SYT1: variants seen among roughly 807,000 people sequenced by gnomAD.
SYT1 encodes synaptotagmin-1.
A neutral mutation model predicts 44.8 loss-of-function variants in SYT1; 8 were observed. The ratio of observed to expected loss-of-function variants is 0.18; its 90% CI spans 0.10 to 0.32. The LOEUF is 0.32. SYT1 is among the 10% of genes least tolerant of loss of function. SYT1 has a pLI of 1.00. For synonymous variants in SYT1, 154 were observed against 188.8 expected (o/e 0.82, Z 1.51); for missense variants, 286 against 509.3 (o/e 0.56, Z 4.22).
intron 2 of SYT1, among the ~76,000 whole-genome samples, chr12:79,009,364 G>A (rs1871283499): frequency 6.6e-6 from 1 of 152,080 alleles, no homozygotes; most frequent in African/African-American, 2.4e-5. Flanking sequence ...TACACTCTGT[G>A]GATTGTCAAA....
chr12:79,247,660 C>T (rs1195859189), intron 4 of SYT1, among the ~76,000 whole-genome samples: 2 of 152,132 alleles, frequency 1.3e-5, no homozygotes, highest in African/African-American at 4.8e-5. Flanking sequence ...TGAGTGCCTG[C>T]TGTGTACTAA....
intron 2 of SYT1, among the ~76,000 whole-genome samples, chr12:79,008,771 T>A (rs1871244440): frequency 6.6e-6 from 1 of 152,134 alleles, no homozygotes; most frequent in African/African-American, 2.4e-5. Flanking sequence ...TTCCTGCTTT[T>A]TGCTAGCCTT....
At chr12:79,145,527 C>T (rs551820050) in intron 3 of SYT1, among the ~76,000 whole-genome samples, 1 of 151,946 alleles carries the variant, frequency 6.6e-6, no homozygotes, top group Non-Finnish European at 1.5e-5. Flanking sequence ...TTACAATGTC[C>T]AAAACACCAT....
At chr12:79,325,447 A>G (rs1248711249) in intron 8 of SYT1, among the ~76,000 whole-genome samples, 1 of 152,226 alleles carries the variant, frequency 6.6e-6, no homozygotes, top group Non-Finnish European at 1.5e-5. Flanking sequence ...ACTGTTAAGC[A>G]CTTAATTTCA....
intron 4 of SYT1, among the ~76,000 whole-genome samples, chr12:79,237,011 G>C (rs1489524876): frequency 6.6e-6 from 1 of 152,184 alleles, no homozygotes; most frequent in Non-Finnish European, 1.5e-5. Flanking sequence ...TATCAATCTG[G>C]CAGCAGTGTG....
intron 2 of SYT1, among the ~76,000 whole-genome samples, chr12:79,008,816 C>A (rs1871247719): frequency 6.6e-6 from 1 of 152,036 alleles, no homozygotes; most frequent in African/African-American, 2.4e-5. Flanking sequence ...GACAAGTGCC[C>A]CCATGTCTTT....
chr12:79,097,949 A>T (rs565919532), intron 3 of SYT1, among the ~76,000 whole-genome samples: 1 of 152,048 alleles, frequency 6.6e-6, no homozygotes, highest in East Asian at 1.9e-4. Context: ...ACACATACAC[A>T]TTTACCTGAA....
intron 3 of SYT1, among the ~76,000 whole-genome samples, chr12:79,112,026 GAAA>G (rs78185411): frequency 7.4e-6 from 1 of 135,532 alleles, no homozygotes. Flanking sequence ...AAAGGATCAG[GAAA>G]AAAAAAAAAA....
At chr12:79,251,463 T>G (rs1877205028) in intron 4 of SYT1, among the ~76,000 whole-genome samples, 1 of 152,164 alleles carries the variant, frequency 6.6e-6, no homozygotes, top group African/African-American at 2.4e-5. Flanking sequence ...ATAAGCCTCC[T>G]TAGTCATCAA....
chr12:79,143,747 T>C (rs552317127), intron 3 of SYT1, among the ~76,000 whole-genome samples: 2 of 152,272 alleles, frequency 1.3e-5, no homozygotes, highest in East Asian at 3.9e-4. Flanking sequence ...TCGAGCAACG[T>C]TGGAAAATGC....
chr12:79,172,070 A>C (rs1277458221), intron 3 of SYT1, among the ~76,000 whole-genome samples: 1 of 151,960 alleles, frequency 6.6e-6, no homozygotes. Flanking sequence ...TACTGTAAAA[A>C]CTGAAAAATT....
chr12:79,129,621 T>C (rs1419071248), intron 3 of SYT1, among the ~76,000 whole-genome samples: 2 of 152,204 alleles, frequency 1.3e-5, no homozygotes, highest in African/African-American at 4.8e-5. Context: ...TTGAGTATTT[T>C]AACCCCACTA....
intron 9 of SYT1, among the ~76,000 whole-genome samples, chr12:79,411,874 C>T (rs1384480775): frequency 4.0e-5 from 6 of 151,818 alleles, no homozygotes; most frequent in Admixed American, 2.0e-4. Flanking sequence ...TATATTGAGG[C>T]GTCCTTCTGC....
chr12:79,394,297 C>T (rs957206478), intron 9 of SYT1, among the ~76,000 whole-genome samples: 1 of 151,984 alleles, frequency 6.6e-6, no homozygotes, highest in Non-Finnish European at 1.5e-5. Flanking sequence ...TGGGATATTA[C>T]CAAAGCAGTT....
intron 4 of SYT1, among the ~76,000 whole-genome samples, chr12:79,271,229 AATAT>A (rs999687101): frequency 6.6e-6 from 1 of 152,182 alleles, no homozygotes; most frequent in Non-Finnish European, 1.5e-5. Flanking sequence ...TTACTTTTAA[AATAT>A]ATATATGTCA....
At chr12:79,350,590 T>TC (rs974883427) in intron 8 of SYT1, among the ~76,000 whole-genome samples, 1 of 152,210 alleles carries the variant, frequency 6.6e-6, no homozygotes, top group Non-Finnish European at 1.5e-5. Flanking sequence ...CACATAAACT[T>TC]CAAGTCCCTC....
chr12:79,399,162 G>C (rs1026359120), intron 9 of SYT1, among the ~76,000 whole-genome samples: 4 of 152,116 alleles, frequency 2.6e-5, no homozygotes, highest in Non-Finnish European at 5.9e-5. Context: ...GATTGGATTA[G>C]GGCATGAATA....
At chr12:78,868,145 C>G (rs1246712768) in intron 1 of SYT1, among the ~76,000 whole-genome samples, 5 of 151,758 alleles carry the variant, frequency 3.3e-5, no homozygotes, top group Non-Finnish European at 7.4e-5. Context: ...TGTGCAACAA[C>G]CAAGAAGAGC....
At chr12:79,012,161 A>G (rs991161534) in intron 2 of SYT1, among the ~76,000 whole-genome samples, 1 of 151,204 alleles carries the variant, frequency 6.6e-6, no homozygotes, top group African/African-American at 2.4e-5. Context: ...GGAGAGAATC[A>G]TCTGTGGTGT....
Sources: gnomAD v4.1 joint callset for allele counts (sites outside exome capture counted in the v4.1 genomes callset) on GRCh38, gnomAD v4.1.1 for gene constraint, MANE v1.5 for transcripts, NCBI Gene and HGNC (gene_info 2026-07-23, HGNC 2026-07-21) for gene names.